NTRK2: variants seen among roughly 807,000 people sequenced by gnomAD.
NTRK2 encodes neurotrophic receptor tyrosine kinase 2, also known as BDNF/NT-3 growth factors receptor.
Under a neutral mutation model 94.5 loss-of-function variants are expected in NTRK2, and 13 were observed. The ratio of observed to expected loss-of-function variants is 0.14; its 90% CI spans 0.09 to 0.22. NTRK2 has a LOEUF of 0.22. Among genes scored for constraint, NTRK2 ranks in the 10% least tolerant of loss-of-function variants. NTRK2 has a pLI of 1.00. For synonymous variants in NTRK2, 372 were observed against 407.4 expected, an observed-to-expected ratio of 0.91 and a Z score of 1.05; for missense variants, 639 against 1,071.2, an observed-to-expected ratio of 0.60 and a Z score of 5.63.
At chr9:84,930,372 A>G (rs2077980230) in intron 14 of NTRK2, among the ~76,000 whole-genome samples, 1 of 152,188 alleles carries the variant, frequency 6.6e-6, no homozygotes, top group East Asian at 1.9e-4. Context: ...ATGTGGGCCC[A>G]GAGCTCAGTG....
chr9:84,873,432 G>A, intron 14 of NTRK2: 1 of 1,059,320 alleles, frequency 9.4e-7, no homozygotes, highest in Non-Finnish European at 1.1e-6. Flanking sequence ...CTCATCTCGT[G>A]GGAGCCTTCA....
At chr9:84,865,420 A>G (rs184670375) in intron 13 of NTRK2, among the ~76,000 whole-genome samples, 130 of 152,290 alleles carry the variant, frequency 8.5e-4, no homozygotes, top group Non-Finnish European at 1.5e-3. Flanking sequence ...GGGAATGTCC[A>G]ACTGTTATCA....
intron 12 of NTRK2, among the ~76,000 whole-genome samples, chr9:84,796,523 C>G (rs1176222762): frequency 6.6e-6 from 1 of 152,168 alleles, no homozygotes; most frequent in African/African-American, 2.4e-5. Flanking sequence ...GGATTTTGAA[C>G]AGCCAATCTA....
intron 2 of NTRK2, among the ~76,000 whole-genome samples, chr9:84,687,765 A>G (rs2059803951): frequency 6.6e-6 from 1 of 152,128 alleles, no homozygotes; most frequent in African/African-American, 2.4e-5. Flanking sequence ...TCAGTTTTGA[A>G]CATGTCTTTG....
At chr9:84,963,896 AGTCTCCAT>A (rs1158906718) in intron 17 of NTRK2, among the ~76,000 whole-genome samples, 1 of 152,170 alleles carries the variant, frequency 6.6e-6, no homozygotes, top group Non-Finnish European at 1.5e-5. Flanking sequence ...CATCCAGTAT[AGTCTCCAT>A]TTCACACTTT....
At chr9:84,942,486 T>G (rs2078445355) in intron 15 of NTRK2, among the ~76,000 whole-genome samples, 1 of 152,142 alleles carries the variant, frequency 6.6e-6, no homozygotes, top group African/African-American at 2.4e-5. Context: ...TTTCCAACAT[T>G]CCCAAGAAAG....
At position 84,939,067 on chromosome 9, in the gene NTRK2, AAAAAG is replaced by A. The variant is rs1294554787; in HGVS notation, c.1764+4790_1764+4794del. On this transcript the variant is annotated intron_variant, in intron 15 of 18. Coordinates refer to ENST00000277120, the MANE Select transcript of NTRK2 (RefSeq NM_006180.6). ...ACCCCAACTCAAAAAAAAAAAAAAA[AAAAAG>A]AAAAGAAAAGAAAAAAAAAGAGTTG... Among the ~76,000 whole-genome samples, 72 of 144,650 alleles carry A rather than the reference AAAAAG, an allele frequency of 5.0e-4. No individual in the cohort carries two copies. In the East Asian group the frequency reaches 0.014, roughly 28 times the overall value. The allele number at this position is 144,650 out of a possible 152,430, so 94.9% of individuals were successfully genotyped here.
intron 14 of NTRK2, among the ~76,000 whole-genome samples, chr9:84,929,431 G>A (rs2077943156): frequency 6.6e-6 from 1 of 152,078 alleles, no homozygotes; most frequent in African/African-American, 2.4e-5. Flanking sequence ...GCTCTTATTT[G>A]ATTCCTCCTT....
intron 14 of NTRK2, among the ~76,000 whole-genome samples, chr9:84,932,167 G>A (rs1388067454): frequency 2.0e-5 from 3 of 152,132 alleles, no homozygotes; most frequent in African/African-American, 7.2e-5. Context: ...AACCAAGCAG[G>A]CTGTCCATCA....
chr9:84,802,496 A>T (rs1229168314), intron 12 of NTRK2, among the ~76,000 whole-genome samples: 1 of 152,210 alleles, frequency 6.6e-6, no homozygotes, highest in Non-Finnish European at 1.5e-5. Context: ...CTGCTGTAAG[A>T]CATTGTTGAG....
chr9:84,854,223 A>G (rs2074944912), intron 12 of NTRK2, among the ~76,000 whole-genome samples: 1 of 152,096 alleles, frequency 6.6e-6, no homozygotes, highest in South Asian at 2.1e-4. Flanking sequence ...GGATAACTCT[A>G]AGGTTCATTC....
intron 12 of NTRK2, chr9:84,814,854 G>A (rs200796271): frequency 7.7e-5 from 82 of 1,063,202 alleles, no homozygotes; most frequent in Non-Finnish European, 8.7e-5. Context: ...TTGGAGTTGC[G>A]CAGCTTAGCT....
intron 8 of NTRK2, among the ~76,000 whole-genome samples, chr9:84,724,784 T>C (rs893660877): frequency 6.6e-6 from 1 of 152,208 alleles, no homozygotes; most frequent in African/African-American, 2.4e-5. Flanking sequence ...ATTGTACTGT[T>C]GATAAAATAA....
intron 12 of NTRK2, among the ~76,000 whole-genome samples, chr9:84,782,037 A>AACACACACACACACACAC (rs58851217): frequency 9.4e-5 from 14 of 149,648 alleles, no homozygotes; most frequent in African/African-American, 3.2e-4. Flanking sequence ...CCTCCAAGAA[A>AACACACACACACACACAC]ACACACACAC....
At chr9:84,977,672 G>A (rs1167901180) in intron 17 of NTRK2, among the ~76,000 whole-genome samples, 3 of 152,178 alleles carry the variant, frequency 2.0e-5, no homozygotes, top group African/African-American at 7.2e-5. Context: ...ATACACCCAT[G>A]CACACACACA....
intron 12 of NTRK2, among the ~76,000 whole-genome samples, chr9:84,771,630 T>C (rs2066554560): frequency 6.6e-6 from 1 of 152,212 alleles, no homozygotes; most frequent in African/African-American, 2.4e-5. Context: ...TAGTCTTTCT[T>C]TCTGGAATGT....
intron 4 of NTRK2, among the ~76,000 whole-genome samples, chr9:84,706,551 A>G (rs1022319822): frequency 1.3e-3 from 50 of 39,726 alleles, no homozygotes; most frequent in African/African-American, 3.6e-3. Context: ...TTTTTTTGAG[A>G]CGGAGTCTTG....
chr9:84,791,905 A>C (rs1031259152), intron 12 of NTRK2, among the ~76,000 whole-genome samples: 1 of 152,234 alleles, frequency 6.6e-6, no homozygotes, highest in African/African-American at 2.4e-5. Flanking sequence ...GAGATGGTTT[A>C]GTTTCAGATG....
At chr9:84,878,164 A>G (rs1347676485) in intron 14 of NTRK2, among the ~76,000 whole-genome samples, 2 of 152,222 alleles carry the variant, frequency 1.3e-5, no homozygotes, top group Non-Finnish European at 2.9e-5. Flanking sequence ...GTCAGTACTC[A>G]AGATAAATAA....
Sources: gnomAD v4.1 joint callset for allele counts (sites outside exome capture counted in the v4.1 genomes callset) on GRCh38, gnomAD v4.1.1 for gene constraint, MANE v1.5 for transcripts, NCBI Gene and HGNC (gene_info 2026-07-23, HGNC 2026-07-21) for gene names.